TENM1: variants seen among roughly 807,000 people sequenced by gnomAD.
The protein encoded by TENM1 is teneurin-1.
TENM1 carries 35 observed loss-of-function variants against 174.8 expected under a neutral mutation model. The observed-to-expected ratio is 0.20, with a 90% confidence interval of 0.15 to 0.27. TENM1 has a LOEUF of 0.27. TENM1 is among the 10% of genes least tolerant of loss of function. The pLI is 1.00. For missense variants in TENM1, 1,633 were observed against 2,130.1 expected (o/e 0.77, Z 4.59); for synonymous variants, 781 against 798.7 (o/e 0.98, Z 0.37).
intron 3 of TENM1, among the ~76,000 whole-genome samples, chrX:124,890,299 A>G (rs2057453514): frequency 9.0e-6 from 1 of 111,627 alleles, no homozygotes; most frequent in South Asian, 3.7e-4. Context: ...CTCCAGTTCA[A>G]TGTGTAGCCA....
At chrX:124,972,926 C>T in the TENM1 span, among the ~76,000 whole-genome samples, 7 of 111,970 alleles carry the variant, frequency 6.3e-5, no homozygotes, top group South Asian at 7.5e-4. Flanking sequence ...ATACCTGAGA[C>T]GGGCTAATTT....
Position 124,392,357 on chromosome X carries a change from AAG to A in TENM1, c.5392-11_5392-10del, listed in dbSNP as rs774896160. ...AGGTTTCTGTTGTGGGCCTATGAGA[AAG>A]AGATATGAAATACATTTTAAGCACA... On this transcript the variant is annotated splice_polypyrimidine_tract_variant and intron_variant, in intron 27 of 31. Coordinates refer to ENST00000422452, the Ensembl canonical transcript of TENM1. 3.5e-6 allele frequency: 4 copies of A among 1,155,271 alleles called. No individual in the cohort carries two copies. In the Admixed American group the frequency reaches 6.7e-5, roughly 19 times the overall value.
At chrX:124,871,794 G>T (rs1460883915) in intron 3 of TENM1, among the ~76,000 whole-genome samples, 1 of 110,802 alleles carries the variant, frequency 9.0e-6, no homozygotes, top group Non-Finnish European at 1.9e-5. Context: ...AGCACTTTGG[G>T]AGGCTGAGGC....
At chrX:124,559,309 T>C (rs1602662120) in intron 14 of TENM1, among the ~76,000 whole-genome samples, 1 of 111,594 alleles carries the variant, frequency 9.0e-6, no homozygotes, top group Non-Finnish European at 1.9e-5. Flanking sequence ...TTGCTTACTA[T>C]GTGATTTTTA....
At chrX:124,990,437 C>T in the TENM1 span, among the ~76,000 whole-genome samples, 9 of 112,828 alleles carry the variant, frequency 8.0e-5, no homozygotes, top group South Asian at 3.2e-3. Context: ...AGAGAATCAA[C>T]AAATCTAAAA....
At chrX:124,615,049 C>A (rs1357501872) in intron 11 of TENM1, among the ~76,000 whole-genome samples, 1 of 112,253 alleles carries the variant, frequency 8.9e-6, no homozygotes, top group Admixed American at 9.4e-5. Flanking sequence ...ATCTTCTCAA[C>A]AGCATTCTTA....
chrX:125,041,265 A>G, the TENM1 span, among the ~76,000 whole-genome samples: 1 of 111,384 alleles, frequency 9.0e-6, no homozygotes, highest in African/African-American at 3.3e-5. Flanking sequence ...AGGCATTCAC[A>G]CAAAAAGGTA....
chrX:125,101,441 A>G, the TENM1 span, among the ~76,000 whole-genome samples: 1 of 112,126 alleles, frequency 8.9e-6, no homozygotes, highest in African/African-American at 3.3e-5. Flanking sequence ...ACCAGTTTGA[A>G]TAACTTGTTC....
intron 6 of TENM1, among the ~76,000 whole-genome samples, chrX:124,668,652 G>T (rs1003653466): frequency 3.7e-5 from 4 of 107,193 alleles, no homozygotes; most frequent in African/African-American, 1.4e-4. Flanking sequence ...TGAACAATGA[G>T]AACACATGGA....
intron 3 of TENM1, among the ~76,000 whole-genome samples, chrX:124,870,801 G>A (rs1171327532): frequency 2.7e-5 from 3 of 110,952 alleles, no homozygotes; most frequent in African/African-American, 9.8e-5. Flanking sequence ...GAAATGAGAA[G>A]CCATTTGCAA....
intron 22 of TENM1, among the ~76,000 whole-genome samples, chrX:124,465,602 C>T (rs958309148): frequency 5.4e-5 from 6 of 111,357 alleles, no homozygotes; most frequent in African/African-American, 2.0e-4. Context: ...GTTCACTTAA[C>T]CCATCAGGAA....
intron 28 of TENM1, among the ~76,000 whole-genome samples, chrX:124,389,601 T>TCCTC (rs1348920729): frequency 6.3e-5 from 7 of 110,971 alleles, no homozygotes; most frequent in Non-Finnish European, 1.1e-4. Flanking sequence ...TGCTTTAATT[T>TCCTC]CCTCCCTCCC....
chrX:124,578,315 C>T (rs1316159600), intron 11 of TENM1, among the ~76,000 whole-genome samples: 1 of 111,759 alleles, frequency 8.9e-6, no homozygotes, highest in Non-Finnish European at 1.9e-5. Flanking sequence ...TTTCCTTTTG[C>T]CTTATGCTCA....
In TENM1 at chrX:124,884,231, G is replaced by T. The variant is rs189251509; in HGVS notation, c.535+10065C>A. Among the ~76,000 whole-genome samples the T allele has an allele frequency of 8.1e-5, 9 of 111,128 alleles. No homozygotes were observed. In the Admixed American group the frequency reaches 8.5e-4, roughly 11 times the overall value. ...TCATACTTTGACCCTGGTAGCAGCA[G>T]CCAGCTGCGGTGGTGGCTGTAGGCA... On this transcript the variant is annotated intron_variant, in intron 3 of 31. Transcript: ENST00000422452.
chrX:124,877,300 C>T (rs1032287049), intron 3 of TENM1, among the ~76,000 whole-genome samples: 51 of 112,201 alleles, frequency 4.5e-4, no homozygotes, highest in African/African-American at 1.5e-3. Flanking sequence ...AGTTGATTTT[C>T]ATTTGTAATT....
chrX:124,890,557 C>T (rs2057457882), intron 3 of TENM1, among the ~76,000 whole-genome samples: 2 of 111,742 alleles, frequency 1.8e-5, no homozygotes, highest in African/African-American at 6.5e-5. Flanking sequence ...ACATGAATGG[C>T]CAACAGGTAT....
intron 3 of TENM1, among the ~76,000 whole-genome samples, chrX:124,767,819 T>A (rs1394150945): frequency 9.0e-6 from 1 of 111,480 alleles, no homozygotes; most frequent in Admixed American, 9.5e-5. Context: ...ATAGCCTAAA[T>A]GTTAGAATTT....
At chrX:124,962,230 T>A (rs1787304044) in intron 1 of TENM1, among the ~76,000 whole-genome samples, 1 of 111,814 alleles carries the variant, frequency 8.9e-6, no homozygotes, top group Non-Finnish European at 1.9e-5. Flanking sequence ...GATAAATATT[T>A]GAAGGTCACT....
intron 11 of TENM1, among the ~76,000 whole-genome samples, chrX:124,570,331 C>G (rs2049029367): frequency 9.0e-6 from 1 of 111,270 alleles, no homozygotes; most frequent in African/African-American, 3.3e-5. Context: ...AAAGAGGAAA[C>G]TCTTAACAAT....
Sources: gnomAD v4.1 joint callset for allele counts (sites outside exome capture counted in the v4.1 genomes callset) on GRCh38, gnomAD v4.1.1 for gene constraint, MANE v1.5 for transcripts, NCBI Gene and HGNC (gene_info 2026-07-23, HGNC 2026-07-21) for gene names.